The following DDX10 variants were observed in gnomAD, a reference collection of about 807,000 sequenced individuals.
DDX10 encodes the protein probable ATP-dependent RNA helicase DDX10.
DDX10 carries 74 observed loss-of-function variants against 104.3 expected under a neutral mutation model. That is an observed-to-expected ratio of 0.71 (90% confidence interval 0.59 to 0.86). The LOEUF is 0.86. Ranked by LOEUF, DDX10 falls within the 40% of genes least tolerant of loss-of-function variation. The pLI is 0.00. For missense variants in DDX10, 952 were observed against 1,040.0 expected, an observed-to-expected ratio of 0.92 and a Z score of 1.16; for synonymous variants, 351 against 353.4, an observed-to-expected ratio of 0.99 and a Z score of 0.08.
intron 17 of DDX10, among the ~76,000 whole-genome samples, chr11:108,934,842 C>CG (rs1864016621): frequency 6.6e-6 from 1 of 152,104 alleles, no homozygotes; most frequent in African/African-American, 2.4e-5. Context: ...ATATTAAAAA[C>CG]GGAGGATTAG....
intron 16 of DDX10, among the ~76,000 whole-genome samples, chr11:108,905,017 T>C (rs1038576418): frequency 2.0e-5 from 3 of 152,178 alleles, no homozygotes; most frequent in Admixed American, 6.5e-5. Flanking sequence ...TATGTTCTTA[T>C]TATCAGTTCA....
Position 108,691,891 on chromosome 11 carries a change from C to G in DDX10, c.991C>G (p.Arg331Gly), listed in dbSNP as rs747487799. Residue 331 changes from arginine (R) to glycine (G), a missense_variant, in exon 8 of 18, where the codon CGA (arginine) becomes GGA (glycine). By Grantham distance (125) the Arg-to-Gly change is moderately radical. Transcript: ENST00000322536. ...GATGCCCCAGGTCCAGTATCTGTAC[C>G]GAGTGTTTTGCCGGCTACGTCCTGG... The part of the protein sequence containing the change: ...SSCKEVQYLY[R>G]VFCRLRPGVS... 23 of 1,613,854 alleles carry G rather than the reference C, an allele frequency of 1.4e-5. No homozygotes were observed. The highest frequency in any genetic ancestry group is 2.2e-5 in the South Asian group (2 of 91,030).
At chr11:108,851,481 T>A (rs1862791956) in intron 15 of DDX10, among the ~76,000 whole-genome samples, 2 of 152,190 alleles carry the variant, frequency 1.3e-5, no homozygotes, top group Non-Finnish European at 2.9e-5. Flanking sequence ...TGAGATTATT[T>A]TAATTTCGTG....
intron 13 of DDX10, among the ~76,000 whole-genome samples, chr11:108,774,291 G>T (rs2094367029): frequency 6.6e-6 from 1 of 152,216 alleles, no homozygotes; most frequent in Admixed American, 6.5e-5. Flanking sequence ...ATTGCCCTTT[G>T]CAGGCACTTA....
At chr11:108,916,382 A>G (rs984817012) in intron 16 of DDX10, among the ~76,000 whole-genome samples, 1 of 151,380 alleles carries the variant, frequency 6.6e-6, no homozygotes, top group African/African-American at 2.4e-5. Flanking sequence ...CCCTCCCCCC[A>G]ACTCAATTTC....
intron 13 of DDX10, among the ~76,000 whole-genome samples, chr11:108,823,477 T>A (rs1403902671): frequency 6.6e-6 from 1 of 152,202 alleles, no homozygotes; most frequent in African/African-American, 2.4e-5. Flanking sequence ...GGCGGCTAAG[T>A]GGACAGCTTT....
chr11:108,772,023 G>C (rs1056512930), intron 13 of DDX10, among the ~76,000 whole-genome samples: 1 of 152,134 alleles, frequency 6.6e-6, no homozygotes, highest in African/African-American at 2.4e-5. Context: ...CATTGTTCTT[G>C]CATGTAAAGA....
chr11:108,665,475 C>G, intron 1 of DDX10, 136 bp downstream of exon 1: 1 of 1,021,112 alleles, frequency 9.8e-7, no homozygotes, highest in Non-Finnish European at 1.4e-6. Flanking sequence ...CGCCGGGTGC[C>G]ACAGCTCAAA....
At chr11:108,840,432 T>C (rs773707206) in intron 14 of DDX10, among the ~76,000 whole-genome samples, 3 of 152,234 alleles carry the variant, frequency 2.0e-5, no homozygotes, top group Non-Finnish European at 1.5e-5. Context: ...GAGTTATTGT[T>C]GTCTGAATTG....
rs781658573 is a variant in DDX10 at position 108,678,370 on chromosome 11, C to T, written c.593C>T (p.Pro198Leu). The change falls in exon 5 of 18, where the codon CCA (proline) becomes CTA (leucine). Residue 198 changes from proline (P) to leucine (L), a missense_variant. Around this residue, in one of 3 missense-constraint regions of DDX10, gnomAD observed 412 missense variants for 479.2 expected, o/e 0.86. Transcript: ENST00000322536. ...AACATAAATATACTCGTGTGCACAC[C>T]AGGTCGGCTTCTTCAACACATGGAT... ...INNINILVCT[P>L]GRLLQHMDET... 6.2e-7 allele frequency: 1 copy of T among 1,612,790 alleles called. No homozygotes were observed. Among genetic ancestry groups the T allele is most frequent in the Non-Finnish European group, 8.5e-7 (1 of 1,179,434 alleles).
chr11:108,903,970 T>A (rs1379214236), intron 16 of DDX10, among the ~76,000 whole-genome samples: 1 of 152,226 alleles, frequency 6.6e-6, no homozygotes, highest in Non-Finnish European at 1.5e-5. Context: ...ATGATAACTT[T>A]ATGATTAATT....
At chr11:108,871,667 G>A (rs1475146653) in intron 16 of DDX10, among the ~76,000 whole-genome samples, 1 of 152,108 alleles carries the variant, frequency 6.6e-6, no homozygotes, top group Admixed American at 6.5e-5. Flanking sequence ...GTTGGCTCAC[G>A]CCTCAATCCC....
At chr11:108,913,725 C>T (rs1343073191) in intron 16 of DDX10, among the ~76,000 whole-genome samples, 2 of 152,098 alleles carry the variant, frequency 1.3e-5, no homozygotes. Context: ...AAGATAGAGA[C>T]AGAGCAGCTA....
chr11:108,748,925 A>G (rs1373176426), intron 13 of DDX10, among the ~76,000 whole-genome samples: 1 of 151,966 alleles, frequency 6.6e-6, no homozygotes, highest in African/African-American at 2.4e-5. Flanking sequence ...TTGGCCTCCA[A>G]AGTGCCAAGA....
chr11:108,837,610 T>TTTTTTTG (rs1862573763), intron 13 of DDX10, among the ~76,000 whole-genome samples: 1 of 59,136 alleles, frequency 1.7e-5, no homozygotes, highest in East Asian at 5.3e-4. Context: ...GATACAGCTT[T>TTTTTTTG]TTTTTTTTTT....
chr11:108,884,548 T>C (rs76340041), intron 16 of DDX10, among the ~76,000 whole-genome samples: 6,744 of 152,282 alleles, frequency 0.044, 426 homozygotes, highest in African/African-American at 0.14. Flanking sequence ...ATCTCTGCTC[T>C]TTCTGCCCTT....
At chr11:108,873,737 T>C (rs1863113477) in intron 16 of DDX10, among the ~76,000 whole-genome samples, 1 of 152,232 alleles carries the variant, frequency 6.6e-6, no homozygotes, top group Admixed American at 6.5e-5. Context: ...ACATGTACAC[T>C]GTCTAGGCAT....
chr11:108,812,728 TC>T (rs1272227127), intron 13 of DDX10, among the ~76,000 whole-genome samples: 1 of 152,126 alleles, frequency 6.6e-6, no homozygotes, highest in East Asian at 1.9e-4. Flanking sequence ...ATGCCTGTAA[TC>T]CCAGCTCTTT....
intron 13 of DDX10, among the ~76,000 whole-genome samples, chr11:108,802,960 C>A (rs1354951979): frequency 1.3e-5 from 2 of 152,306 alleles, no homozygotes; most frequent in African/African-American, 2.4e-5. Context: ...TTGCAGCCAC[C>A]ATTTTCTAAA....
Sources: allele counts gnomAD v4.1 joint callset (sites outside exome capture counted in the v4.1 genomes callset), GRCh38; gene constraint gnomAD v4.1.1; regional missense constraint gnomAD v4.1.1; transcripts MANE v1.5; gene names NCBI Gene and HGNC (gene_info 2026-07-23, HGNC 2026-07-21).